The following WSCD2 variants were observed in gnomAD, a reference collection of about 807,000 sequenced individuals.
WSCD2 encodes the protein WSC domain sialate O sulfotransferase 2, also known as sialate:O-sulfotransferase 2.
Under a neutral mutation model 55.7 loss-of-function variants are expected in WSCD2, and 28 were observed. The observed-to-expected ratio is 0.50, with a 90% CI of 0.37 to 0.69. WSCD2 has a LOEUF of 0.69. Among genes scored for constraint, WSCD2 ranks in the 30% least tolerant of loss-of-function variants. WSCD2 has a pLI of 0.00. For synonymous variants in WSCD2, 301 were observed against 301.9 expected, an observed-to-expected ratio of 1.00 and a Z score of 0.03; for missense variants, 616 against 762.1, an observed-to-expected ratio of 0.81 and a Z score of 2.26.
intron 1 of WSCD2, among the ~76,000 whole-genome samples, chr12:108,171,999 C>T (rs1880300513): frequency 6.6e-6 from 1 of 152,208 alleles, no homozygotes; most frequent in South Asian, 2.1e-4. Context: ...CAATTCAAAT[C>T]TAGCCAAAAG....
At chr12:108,198,989 C>T (rs1884316533) in intron 2 of WSCD2, among the ~76,000 whole-genome samples, 1 of 152,178 alleles carries the variant, frequency 6.6e-6, no homozygotes, top group Non-Finnish European at 1.5e-5. Context: ...TATACCATGC[C>T]ACCTGCACCC....
chr12:108,178,827 G>T (rs915027717), intron 1 of WSCD2, among the ~76,000 whole-genome samples: 1 of 152,192 alleles, frequency 6.6e-6, no homozygotes, highest in Admixed American at 6.5e-5. Context: ...GGATGTCAAC[G>T]TATTAATTTG....
chr12:108,221,126 G>C (rs571426788), intron 4 of WSCD2, among the ~76,000 whole-genome samples: 6 of 152,298 alleles, frequency 3.9e-5, no homozygotes, highest in African/African-American at 1.4e-4. Flanking sequence ...GGAGTGGAAA[G>C]AGGGAGGAAA....
At chr12:108,201,972 G>A (rs931875220) in intron 2 of WSCD2, among the ~76,000 whole-genome samples, 2 of 152,174 alleles carry the variant, frequency 1.3e-5, no homozygotes, top group African/African-American at 2.4e-5. Flanking sequence ...TGAGCTGATA[G>A]ATTGTGTGAA....
intron 1 of WSCD2, among the ~76,000 whole-genome samples, chr12:108,190,719 A>G (rs1172196746): frequency 6.6e-6 from 1 of 152,212 alleles, no homozygotes; most frequent in Non-Finnish European, 1.5e-5. Flanking sequence ...CATGAACTGC[A>G]GTAACCAAAT....
chr12:108,182,656 T>A (rs1458696471), intron 1 of WSCD2, among the ~76,000 whole-genome samples: 1 of 152,190 alleles, frequency 6.6e-6, no homozygotes, highest in Non-Finnish European at 1.5e-5. Context: ...AGAGGAGTAG[T>A]CAATTACGTT....
At chr12:108,232,961 G>A (rs759794903) in intron 7 of WSCD2, 66 bp downstream of exon 7, 1 of 1,576,184 alleles carries the variant, frequency 6.3e-7, no homozygotes, top group Non-Finnish European at 8.6e-7. Flanking sequence ...CCACTTGGAG[G>A]GTATGGGAAT....
At chr12:108,149,866 A>T (rs1234288643) in intron 1 of WSCD2, 2 of 152,104 alleles carry the variant, frequency 1.3e-5, no homozygotes, top group Admixed American at 6.6e-5. Flanking sequence ...TCAGGACATC[A>T]CGTACACTGG....
rs41314109 is a variant in WSCD2, at chr12:108,224,514, G to A, written c.683-225G>A. 1.2e-3 allele frequency among the ~76,000 whole-genome samples: 178 copies of A among 152,338 alleles called. 1 individual carries two copies. The East Asian group carries it at 0.028, about 24-fold the overall frequency. ...TCAGCGACCTGGGTTGTTGACAAAG[G>A]GGCCAGGGTTGAGGAGAACATTCTT... On this transcript the variant is annotated intron_variant, in intron 4 of 8. Coordinates refer to ENST00000547525, the MANE Select transcript of WSCD2 (RefSeq NM_014653.4).
intron 1 of WSCD2, among the ~76,000 whole-genome samples, chr12:108,162,817 G>A (rs1277614017): frequency 6.6e-6 from 1 of 152,126 alleles, no homozygotes; most frequent in Non-Finnish European, 1.5e-5. Flanking sequence ...GACAGACCTG[G>A]TTAGCAAAGT....
chr12:108,170,445 AATG>A (rs61364167), intron 1 of WSCD2, among the ~76,000 whole-genome samples: 63 of 152,064 alleles, frequency 4.1e-4, no homozygotes, highest in African/African-American at 1.2e-3. Flanking sequence ...TATTGACAAC[AATG>A]ATGATGATGA....
At chr12:108,226,118 A>G (rs551841115) in intron 5 of WSCD2, among the ~76,000 whole-genome samples, 7 of 152,102 alleles carry the variant, frequency 4.6e-5, no homozygotes, top group Admixed American at 3.9e-4. Flanking sequence ...AGTGGCTCTG[A>G]GTCACACAGA....
At chr12:108,140,447 G>C (rs1034558916) in intron 1 of WSCD2, among the ~76,000 whole-genome samples, 1 of 152,110 alleles carries the variant, frequency 6.6e-6, no homozygotes, top group African/African-American at 2.4e-5. Context: ...GGGATTCTCT[G>C]GTCATCAGGG....
intron 2 of WSCD2, among the ~76,000 whole-genome samples, chr12:108,201,622 T>C (rs183406350): frequency 3.6e-4 from 55 of 152,238 alleles, no homozygotes; most frequent in African/African-American, 1.2e-3. Context: ...TGAGTAATAT[T>C]TGAGGCTACT....
At chr12:108,232,917 C>T in intron 7 of WSCD2, 22 bp downstream of exon 7, 1 of 1,604,768 alleles carries the variant, frequency 6.2e-7, no homozygotes, top group South Asian at 1.1e-5. Context: ...GCAGGGAGGG[C>T]AGGGCAAGAG....
chr12:108,139,777 C>G (rs1467725077), intron 1 of WSCD2, among the ~76,000 whole-genome samples: 2 of 152,166 alleles, frequency 1.3e-5, no homozygotes, highest in African/African-American at 4.8e-5. Flanking sequence ...AGAACAAGCC[C>G]ATATGAGGTT....
intron 1 of WSCD2, among the ~76,000 whole-genome samples, chr12:108,180,940 C>T (rs1436074848): frequency 6.6e-6 from 1 of 152,264 alleles, no homozygotes; most frequent in Non-Finnish European, 1.5e-5. Flanking sequence ...ACCACTTCCT[C>T]TACAGATGGG....
chr12:108,188,987 T>C (rs554688042), intron 1 of WSCD2, among the ~76,000 whole-genome samples: 24 of 152,362 alleles, frequency 1.6e-4, no homozygotes, highest in Middle Eastern at 6.8e-3. Context: ...AGGTCCTATA[T>C]TGCTTTCCGG....
intron 5 of WSCD2, 37 bp downstream of exon 5, chr12:108,224,897 G>T: frequency 6.2e-7 from 1 of 1,605,710 alleles, no homozygotes. Context: ...CTCAGGGGGA[G>T]GGAACCATGC....
Sources: gnomAD v4.1 joint callset for allele counts (sites outside exome capture counted in the v4.1 genomes callset) on GRCh38, gnomAD v4.1.1 for gene constraint, MANE v1.5 for transcripts, NCBI Gene and HGNC (gene_info 2026-07-23, HGNC 2026-07-21) for gene names.